CEP120: variants seen among roughly 807,000 people sequenced by gnomAD.
CEP120 encodes the protein centrosomal protein of 120 kDa.
Under a neutral mutation model 126.5 loss-of-function variants are expected in CEP120, and 113 were observed. That is an observed-to-expected ratio of 0.89 (90% CI 0.77 to 1.04). CEP120 has a LOEUF of 1.04. Ranked by LOEUF, CEP120 falls within the 50% of genes least tolerant of loss-of-function variation. CEP120 has a pLI of 0.00. For synonymous variants in CEP120, 400 were observed against 394.3 expected (o/e 1.01, Z -0.17); for missense variants, 1,230 against 1,155.7 (o/e 1.06, Z -0.93).
In CEP120 at chr5:123,360,812, T is replaced by TAC. The variant is rs574096185; in HGVS notation, c.2580+3682_2580+3683dup. Among the ~76,000 whole-genome samples the TAC allele has an allele frequency of 1.8e-4, 27 of 151,974 alleles. No homozygotes were observed. The East Asian group carries it at 5.0e-3, about 28-fold the overall frequency. On this transcript the variant is annotated intron_variant, in intron 18 of 19. Coordinates refer to ENST00000306467, the MANE Select transcript of CEP120 (RefSeq NM_001375405.1). ...CACTGAATCTTCTTTTAAAGGAGAC[T>TAC]ACTTCAATACCCCAGTGTAAAACTA...
intron 6 of CEP120, among the ~76,000 whole-genome samples, chr5:123,392,737 T>C (rs996026964): frequency 3.3e-4 from 51 of 152,304 alleles, no homozygotes; most frequent in African/African-American, 1.0e-3. Flanking sequence ...CTTGAACTCC[T>C]GGCCTCAAGT....
intron 4 of CEP120, chr5:123,403,635 C>CT: frequency 2.7e-6 from 1 of 364,946 alleles, no homozygotes; most frequent in South Asian, 2.1e-5. Flanking sequence ...ACATACAACA[C>CT]TTTAATCAAG....
In CEP120 at chr5:123,346,649, T is replaced by A. The variant is rs1768841099; in HGVS notation, c.2831A>T (p.Tyr944Phe). 6.2e-7 allele frequency: 1 copy of A among 1,613,878 alleles called. No individual in the cohort carries two copies. The highest frequency in any genetic ancestry group is 1.7e-5 in the Admixed American group (1 of 59,956). The change falls in exon 20 of 20, where the codon TAT (tyrosine) becomes TTT (phenylalanine). Residue 944 changes from tyrosine (Y) to phenylalanine (F), a missense_variant. Tyr to Phe is a conservative substitution (Grantham distance 22, BLOSUM62 3). Transcript: ENST00000306467. ...CCTTTCTTCTATCAGGCGAGTCAAA[T>A]AATCATCCAAACCTTCTTCCAATAC... is the stretch of plus-strand genomic sequence containing the variant. Reference protein sequence around the residue: ...GSVLEEGLDDYLTRLIEERDT... With the variant: ...GSVLEEGLDDFLTRLIEERDT...
At chr5:123,388,708 G>A (rs1444875918) in intron 8 of CEP120, 102 bp from the exon 9 acceptor site, 3 of 901,350 alleles carry the variant, frequency 3.3e-6, no homozygotes, top group Admixed American at 3.3e-5. Context: ...CCTTTAAGCA[G>A]GAATTGGGCT....
chr5:123,421,951 ACT>A (rs1164427696), intron 1 of CEP120, among the ~76,000 whole-genome samples: 1 of 151,836 alleles, frequency 6.6e-6, no homozygotes, highest in Non-Finnish European at 1.5e-5. Flanking sequence ...TTTATAAAAC[ACT>A]CTCCCATGGG....
intron 2 of CEP120, among the ~76,000 whole-genome samples, chr5:123,416,717 A>G (rs1416716562): frequency 6.6e-6 from 1 of 152,180 alleles, no homozygotes; most frequent in Non-Finnish European, 1.5e-5. Flanking sequence ...ATGTAGGTCA[A>G]TGTTTCTTAA....
chr5:123,393,288 T>C lies in CEP120; in HGVS notation c.810+12A>G, dbSNP rs1772525206. On this transcript the variant is annotated intron_variant, in intron 6 of 19. Transcript: ENST00000306467. Reference sequence around the variant, plus strand: ...CCACCTCCAGCTAAAAACGATTTGCTGCAATACTCACCTGCAGTTTAGACT... The same window carrying C: ...CCACCTCCAGCTAAAAACGATTTGCCGCAATACTCACCTGCAGTTTAGACT... 1.2e-6 allele frequency: 2 copies of C among 1,613,738 alleles called. No homozygotes were observed. The highest frequency in any genetic ancestry group is 1.7e-6 in the Non-Finnish European group (2 of 1,179,678).
intron 18 of CEP120, among the ~76,000 whole-genome samples, chr5:123,355,468 G>A (rs1375600669): frequency 6.6e-6 from 1 of 152,098 alleles, no homozygotes; most frequent in Non-Finnish European, 1.5e-5. Flanking sequence ...ACTTTTTAAT[G>A]ATCGCCATTC....
At position 123,399,192 on chromosome 5, in the gene CEP120, A is replaced by C. The variant is rs1424029070; in HGVS notation, c.556T>G (p.Cys186Gly). ...ACTGACATAATAAAGGAGTCAGTAC[A>C]GTATTCTGCTGGTCCAATCTGATGG... The part of the protein sequence containing the change: ...GYHQIGPAEY[C>G]TDSFIMSVTI... The change falls in exon 5 of 20, where the codon TGT becomes GGT. Residue 186 changes from cysteine (C) to glycine (G), a missense_variant. By Grantham distance (159) the Cys-to-Gly change is radical (BLOSUM62 -3). Coordinates refer to ENST00000306467, the MANE Select transcript of CEP120 (RefSeq NM_001375405.1). The C allele has an allele frequency of 6.2e-7, 1 of 1,613,968 alleles. No individual in the cohort carries two copies. Among genetic ancestry groups the C allele is most frequent in the Non-Finnish European group, 8.5e-7 (1 of 1,179,832 alleles).
intron 7 of CEP120, 126 bp downstream of exon 7, chr5:123,390,983 AC>A: frequency 4.4e-6 from 3 of 686,782 alleles, no homozygotes. Context: ...GTATCATATA[AC>A]AAAGGTCACT....
chr5:123,420,284 T>A (rs557536897), intron 1 of CEP120, among the ~76,000 whole-genome samples: 1 of 152,274 alleles, frequency 6.6e-6, no homozygotes, highest in Non-Finnish European at 1.5e-5. Flanking sequence ...GAACAGAGGA[T>A]GTGAAGGGAA....
intron 17 of CEP120, among the ~76,000 whole-genome samples, chr5:123,368,507 G>T (rs765044854): frequency 6.6e-6 from 1 of 151,954 alleles, no homozygotes; most frequent in Admixed American, 6.6e-5. Context: ...GACCAAATAT[G>T]TAAGAAAAAG....
rs1212387086 is a variant in CEP120 at position 123,346,691 on chromosome 5, TC to T, written c.2788del (p.Asp930MetfsTer16). 2.5e-6 allele frequency: 4 copies of T among 1,613,420 alleles called. No homozygotes were observed. The highest frequency in any genetic ancestry group is 2.2e-5 in the East Asian group (1 of 44,876). On this transcript the variant is annotated frameshift_variant, in exon 20 of 20. Transcript: ENST00000306467. LOFTEE classifies it high-confidence loss of function. ...TTCCAATACACTGCCATGGGGGCCA[TC>T]CTTTTTTCCACTTGCAATCTCTGTG... ...DSTEIASGKKDGPHGSVLEEG... is the reference protein window; with the variant it reads ...DSTEIASGKKXGPHGSVLEEG...
In CEP120 at chr5:123,345,638, C is replaced by T. The variant is rs1370004041; in HGVS notation, c.*881G>A. The stretch of plus-strand genomic sequence containing the variant: ...CTGCATAAATCCAATGAGTGAATCT[C>T]GTGCGCTTTTGAAAACGATTGATTG... On this transcript the variant is annotated 3_prime_UTR_variant, in exon 20 of 20. Coordinates refer to ENST00000306467, the MANE Select transcript of CEP120 (RefSeq NM_001375405.1). 3 of 152,104 alleles carry T rather than the reference C, an allele frequency of 2.0e-5. No homozygotes were observed. Among genetic ancestry groups the T allele is most frequent in the South Asian group, 4.1e-4 (2 of 4,832 alleles). The allele number at this position is 152,104 out of a possible 1,614,324, so 9.4% of individuals were successfully genotyped here.
chr5:123,400,289 ATTTT>A (rs921514577), intron 4 of CEP120, among the ~76,000 whole-genome samples: 1 of 147,482 alleles, frequency 6.8e-6, no homozygotes, highest in Non-Finnish European at 1.5e-5. Context: ...TTTAGTCTCC[ATTTT>A]TTTTTTTCTA....
rs192775894 is a variant in CEP120, at chr5:123,357,236, T to C, written c.2581-7147A>G. Among the ~76,000 whole-genome samples, 15 of 152,252 alleles carry C rather than the reference T, an allele frequency of 9.9e-5. No homozygotes were observed. In the East Asian group the frequency reaches 2.9e-3, roughly 29 times the overall value. On this transcript the variant is annotated intron_variant, in intron 18 of 19. Transcript: ENST00000306467. The stretch of plus-strand genomic sequence containing the variant: ...GGTTTTTCTTTGCTTTTTGTCAATT[T>C]TGCTGTGATGCATCTAGGTAGGCTT...
At chr5:123,397,238 C>G (rs769928589) in intron 5 of CEP120, among the ~76,000 whole-genome samples, 1 of 152,154 alleles carries the variant, frequency 6.6e-6, no homozygotes, top group Non-Finnish European at 1.5e-5. Context: ...GCAGGAGAAT[C>G]ACTTGAACCG....
intron 3 of CEP120, among the ~76,000 whole-genome samples, chr5:123,414,619 G>C (rs1157900970): frequency 6.6e-6 from 1 of 152,032 alleles, no homozygotes; most frequent in African/African-American, 2.4e-5. Flanking sequence ...CAGAAAAATT[G>C]CAAGGGAGAT....
chr5:123,366,982 T>G (rs1177450855), intron 17 of CEP120, among the ~76,000 whole-genome samples: 1 of 151,808 alleles, frequency 6.6e-6, no homozygotes. Flanking sequence ...TACCTAAATC[T>G]TAAGGCTCAG....
Sources: allele counts gnomAD v4.1 joint callset (sites outside exome capture counted in the v4.1 genomes callset), GRCh38; gene constraint gnomAD v4.1.1; transcripts MANE v1.5; gene names NCBI Gene and HGNC (gene_info 2026-07-23, HGNC 2026-07-21).